Variants in DNAH3 observed in about 807,000 individuals in gnomAD.
The protein encoded by DNAH3 is dynein axonemal heavy chain 3.
A neutral mutation model predicts 432.5 loss-of-function variants in DNAH3; 332 were observed. The observed-to-expected ratio is 0.77, with a 90% CI of 0.70 to 0.84. The LOEUF is 0.84. Among genes scored for constraint, DNAH3 ranks in the 40% least tolerant of loss-of-function variants. The probability of loss-of-function intolerance (pLI) is 0.00; values close to 1 mark genes in which losing one functional copy is unlikely to be tolerated. For missense variants in DNAH3, 4,861 were observed against 5,114.0 expected (o/e 0.95, Z 1.51); for synonymous variants, 1,956 against 1,900.2 (o/e 1.03, Z -0.76).
chr16:21,000,585 G>C, intron 42 of DNAH3, 67 bp from the exon 43 acceptor site: 2 of 1,428,882 alleles, frequency 1.4e-6, no homozygotes, highest in Non-Finnish European at 9.6e-7. Context: ...TGGCATTCAA[G>C]AGACCTGGGT....
exon 43 of DNAH3, chr16:21,000,281 G>C: frequency 6.2e-7 from 1 of 1,614,106 alleles, no homozygotes. Context: ...TTCCGTCGTC[G>C]ATCCAGCTTG....
chr16:20,972,139 G>C (rs112747590), intron 51 of DNAH3, among the ~76,000 whole-genome samples: 1 of 152,220 alleles, frequency 6.6e-6, no homozygotes, highest in East Asian at 1.9e-4. Context: ...AGTGCAACCC[G>C]GGAGGGCAGC....
intron 1 of DNAH3, among the ~76,000 whole-genome samples, chr16:21,151,258 T>A (rs2092849895): frequency 6.6e-6 from 1 of 151,932 alleles, no homozygotes; most frequent in Non-Finnish European, 1.5e-5. Flanking sequence ...GTTAACGGGA[T>A]AACGTGTACA....
chr16:20,987,167 T>C (rs1410420717), intron 47 of DNAH3, 138 bp downstream of exon 47: 2 of 1,043,502 alleles, frequency 1.9e-6, no homozygotes, highest in Non-Finnish European at 2.8e-6. Context: ...AAAAGAGCAG[T>C]TGACTCAATA....
At chr16:21,052,542 G>T (rs2152744615) in intron 28 of DNAH3, among the ~76,000 whole-genome samples, 1 of 152,316 alleles carries the variant, frequency 6.6e-6, no homozygotes, top group South Asian at 2.1e-4. Flanking sequence ...CTGTTCTTCA[G>T]TTGTGTAATC....
At chr16:20,985,615 T>C (rs770041729) in exon 48 of DNAH3, 37 of 1,614,122 alleles carry the variant, frequency 2.3e-5, no homozygotes, top group Non-Finnish European at 3.1e-5. Flanking sequence ...GATCTCATCG[T>C]AGATTTTTTG....
At chr16:21,020,387 ATATATATATATTTTTT>A (rs1296071533) in intron 40 of DNAH3, among the ~76,000 whole-genome samples, 7 of 34,944 alleles carry the variant, frequency 2.0e-4, no homozygotes, top group Non-Finnish European at 3.4e-4. Flanking sequence ...ATATATATAT[ATATATATATATTTTTT>A]TTTTTTTTTT....
intron 48 of DNAH3, among the ~76,000 whole-genome samples, chr16:20,984,327 G>A (rs2086079621): frequency 6.6e-6 from 1 of 152,180 alleles, no homozygotes; most frequent in Admixed American, 6.5e-5. Flanking sequence ...GAAAGTTGCA[G>A]AGGTGAGCCT....
exon 44 of DNAH3, chr16:20,997,433 A>T (rs1163072440): frequency 6.2e-7 from 1 of 1,614,102 alleles, no homozygotes; most frequent in South Asian, 1.1e-5. Flanking sequence ...TGGGCCCCAT[A>T]CACCTCTTTG....
intron 44 of DNAH3, 179 bp downstream of exon 44, chr16:20,997,104 C>T: frequency 3.4e-6 from 2 of 583,862 alleles, no homozygotes; most frequent in Non-Finnish European, 6.0e-6. Context: ...TTGCCATCGT[C>T]CCCTTCTATT....
chr16:20,980,334 ATATTT>A (rs1469813583), intron 49 of DNAH3, among the ~76,000 whole-genome samples: 3 of 105,914 alleles, frequency 2.8e-5, no homozygotes, highest in East Asian at 2.6e-4. Flanking sequence ...ATACTATATT[ATATTT>A]TATTATATTT....
intron 57 of DNAH3, 144 bp from the exon 58 acceptor site, chr16:20,944,807 G>A: frequency 1.3e-6 from 1 of 769,712 alleles, no homozygotes; most frequent in Non-Finnish European, 2.1e-6. Context: ...ACACACGCTG[G>A]GAGAACACAA....
At chr16:21,056,810 CA>C (rs1260391207) in intron 27 of DNAH3, among the ~76,000 whole-genome samples, 2 of 152,048 alleles carry the variant, frequency 1.3e-5, no homozygotes, top group Non-Finnish European at 2.9e-5. Flanking sequence ...ACCTCCATCA[CA>C]AAAAGTCAGA....
At chr16:20,938,785 TTTTTC>T (rs914375579) in intron 59 of DNAH3, among the ~76,000 whole-genome samples, 1 of 152,126 alleles carries the variant, frequency 6.6e-6, no homozygotes, top group Non-Finnish European at 1.5e-5. Flanking sequence ...CCCTGTTCTT[TTTTTC>T]TTTTGAGACA....
intron 43 of DNAH3, 100 bp from the exon 44 acceptor site, chr16:20,997,562 C>A: frequency 7.3e-7 from 1 of 1,369,802 alleles, no homozygotes; most frequent in Non-Finnish European, 1.0e-6. Context: ...GAATCTGTTC[C>A]CAGGTTTCCA....
At chr16:21,117,089 T>C (rs2092221465) in intron 12 of DNAH3, 114 bp downstream of exon 12, 2 of 672,694 alleles carry the variant, frequency 3.0e-6, no homozygotes, top group East Asian at 5.4e-5. Context: ...TGGCTATTCT[T>C]ACTATGTATG....
intron 56 of DNAH3, among the ~76,000 whole-genome samples, chr16:20,951,386 C>T (rs1033593025): frequency 2.6e-5 from 4 of 151,810 alleles, no homozygotes; most frequent in African/African-American, 4.8e-5. Context: ...AAGATTTAAT[C>T]ATTATGCTGC....
chr16:21,075,363 C>A, intron 21 of DNAH3, 84 bp downstream of exon 21: 2 of 959,710 alleles, frequency 2.1e-6, no homozygotes, highest in Admixed American at 1.8e-5. Flanking sequence ...GTTCTGTTGC[C>A]ATTCTGAATG....
At chr16:21,141,433 C>G in intron 3 of DNAH3, 61 bp from the exon 5 acceptor site, 1 of 1,247,780 alleles carries the variant, frequency 8.0e-7, no homozygotes, top group Non-Finnish European at 1.1e-6. Context: ...ATTCTCCGTC[C>G]ACAGGGGCAT....
Sources: allele counts gnomAD v4.1 joint callset (sites outside exome capture counted in the v4.1 genomes callset), GRCh38; gene constraint gnomAD v4.1.1; transcripts MANE v1.5; gene names NCBI Gene and HGNC (gene_info 2026-07-23, HGNC 2026-07-21).